ERBB4: variants seen among roughly 807,000 people sequenced by gnomAD.
The protein encoded by ERBB4 is receptor tyrosine-protein kinase erbB-4.
In ERBB4, 42 loss-of-function variants were observed where a neutral mutation model predicts 158.0. That is an observed-to-expected ratio of 0.27 (90% CI 0.21 to 0.34). The LOEUF (loss-of-function observed/expected upper bound fraction) is 0.34. ERBB4 is among the 10% of genes least tolerant of loss of function. ERBB4 has a pLI of 1.00. For synonymous variants in ERBB4, 583 were observed against 558.7 expected, an observed-to-expected ratio of 1.04 and a Z score of -0.61; for missense variants, 1,333 against 1,624.1, an observed-to-expected ratio of 0.82 and a Z score of 3.08.
intron 1 of ERBB4, among the ~76,000 whole-genome samples, chr2:212,165,344 C>A (rs1432818751): frequency 6.6e-6 from 1 of 151,418 alleles, no homozygotes; most frequent in Non-Finnish European, 1.5e-5. Flanking sequence ...ATTTTTGGCA[C>A]CCCCGTAAAT....
chr2:211,861,094 AAATACAT>A (rs1460055232), intron 3 of ERBB4, among the ~76,000 whole-genome samples: 1,724 of 48,254 alleles, frequency 0.036, 200 homozygotes, highest in East Asian at 0.06. Context: ...TAAAATATAT[AAATACAT>A]TATATATATT....
chr2:212,111,152 C>T (rs1345883570), intron 2 of ERBB4, among the ~76,000 whole-genome samples: 1 of 152,146 alleles, frequency 6.6e-6, no homozygotes, highest in South Asian at 2.1e-4. Flanking sequence ...GCCAAATGTC[C>T]CAGACTGGAG....
At chr2:212,489,917 G>T (rs1266482321) in intron 1 of ERBB4, among the ~76,000 whole-genome samples, 1 of 151,592 alleles carries the variant, frequency 6.6e-6, no homozygotes, top group Non-Finnish European at 1.5e-5. Context: ...AAACCTCCTG[G>T]TCTAAAATCT....
chr2:211,668,122 T>C (rs528291494), intron 14 of ERBB4, among the ~76,000 whole-genome samples: 1 of 152,302 alleles, frequency 6.6e-6, no homozygotes, highest in East Asian at 1.9e-4. Flanking sequence ...AGTAATACAA[T>C]AATAAGCATG....
At chr2:212,227,244 CA>C (rs57150566) in intron 1 of ERBB4, among the ~76,000 whole-genome samples, 6,219 of 137,068 alleles carry the variant, frequency 0.045, 159 homozygotes, top group African/African-American at 0.091. Context: ...GACTCCACCT[CA>C]AAAAAAAAAA....
At chr2:212,235,593 A>G (rs1001941766) in intron 1 of ERBB4, among the ~76,000 whole-genome samples, 3 of 152,214 alleles carry the variant, frequency 2.0e-5, no homozygotes, top group African/African-American at 7.2e-5. Context: ...GATTTTTCCT[A>G]TCCATGAGAA....
chr2:212,162,434 G>T (rs537641660), intron 1 of ERBB4, among the ~76,000 whole-genome samples: 2 of 151,894 alleles, frequency 1.3e-5, no homozygotes, highest in Admixed American at 6.6e-5. Flanking sequence ...CACTGGTGAG[G>T]GACATGAGGG....
At chr2:212,344,780 G>A (rs1479276540) in intron 1 of ERBB4, among the ~76,000 whole-genome samples, 1 of 151,920 alleles carries the variant, frequency 6.6e-6, no homozygotes, top group Non-Finnish European at 1.5e-5. Context: ...GTGTCTAAGA[G>A]TCTAAGAGCC....
chr2:211,419,746 C>A (rs1279216054), intron 25 of ERBB4, among the ~76,000 whole-genome samples: 2 of 151,946 alleles, frequency 1.3e-5, no homozygotes, highest in African/African-American at 4.8e-5. Flanking sequence ...TACAGTGGTA[C>A]TCAATATATG....
chr2:212,530,827 C>T (rs1023172606), intron 1 of ERBB4, among the ~76,000 whole-genome samples: 1 of 152,148 alleles, frequency 6.6e-6, no homozygotes, highest in Non-Finnish European at 1.5e-5. Flanking sequence ...GCAGGTGAAA[C>T]CGATTGTTTA....
At chr2:211,645,534 G>T (rs908830729) in intron 16 of ERBB4, among the ~76,000 whole-genome samples, 3 of 151,592 alleles carry the variant, frequency 2.0e-5, no homozygotes, top group African/African-American at 7.3e-5. Context: ...TAAATCAACA[G>T]ACTTTGGAAA....
intron 20 of ERBB4, among the ~76,000 whole-genome samples, chr2:211,561,600 T>A (rs1259361432): frequency 1.3e-5 from 2 of 152,216 alleles, no homozygotes. Context: ...AACTAGACTA[T>A]ACCGAAACAA....
chr2:211,707,808 G>C (rs1013083840), intron 9 of ERBB4, among the ~76,000 whole-genome samples: 1 of 152,034 alleles, frequency 6.6e-6, no homozygotes, highest in Admixed American at 6.6e-5. Flanking sequence ...TAACTTTCTT[G>C]AGCCTAATTA....
rs545347403 is a variant in ERBB4 at position 212,296,424 on chromosome 2, C to T, written c.83-171521G>A. ...TAAAAAAAAAAGACATTGACATATT[C>T]AATTTGTAGTGTCATATATAACAGT... On this transcript the variant is annotated intron_variant, in intron 1 of 27. Transcript: ENST00000342788. Among the ~76,000 whole-genome samples the T allele has an allele frequency of 3.3e-5, 5 of 151,872 alleles. No individual in the cohort carries two copies. The South Asian group carries it at 1.0e-3, about 32-fold the overall frequency.
intron 1 of ERBB4, among the ~76,000 whole-genome samples, chr2:212,512,283 C>T (rs758658399): frequency 6.6e-6 from 1 of 151,598 alleles, no homozygotes; most frequent in African/African-American, 2.4e-5. Flanking sequence ...TATATAAGTA[C>T]TTAACCTCTC....
intron 1 of ERBB4, among the ~76,000 whole-genome samples, chr2:212,479,225 T>A (rs1689559419): frequency 6.6e-6 from 1 of 152,166 alleles, no homozygotes; most frequent in Admixed American, 6.5e-5. Flanking sequence ...CTTCCTGCCA[T>A]GTTGACAGAC....
intron 3 of ERBB4, among the ~76,000 whole-genome samples, chr2:211,792,961 C>A (rs2076308291): frequency 1.3e-5 from 2 of 151,840 alleles, no homozygotes; most frequent in Non-Finnish European, 2.9e-5. Flanking sequence ...TATATTATCT[C>A]CAAAACTATG....
chr2:211,717,292 T>C (rs565108117), intron 7 of ERBB4, among the ~76,000 whole-genome samples: 22 of 152,316 alleles, frequency 1.4e-4, no homozygotes, highest in Middle Eastern at 3.4e-3. Context: ...TGGTGACATA[T>C]AGGGTGACTT....
chr2:212,299,629 T>C (rs1391430622), intron 1 of ERBB4, among the ~76,000 whole-genome samples: 1 of 151,556 alleles, frequency 6.6e-6, no homozygotes, highest in African/African-American at 2.4e-5. Context: ...GAGGTAATGA[T>C]ATAGCATTAT....
Sources: gnomAD v4.1 joint callset for allele counts (sites outside exome capture counted in the v4.1 genomes callset) on GRCh38, gnomAD v4.1.1 for gene constraint, MANE v1.5 for transcripts, NCBI Gene and HGNC (gene_info 2026-07-23, HGNC 2026-07-21) for gene names.